Variants in OTOGL observed in about 807,000 individuals in gnomAD.
OTOGL encodes the protein otogelin like.
Under a neutral mutation model 318.5 loss-of-function variants are expected in OTOGL, and 285 were observed. The ratio of observed to expected loss-of-function variants is 0.89; its 90% CI spans 0.81 to 0.99. The LOEUF is 0.99. Among genes scored for constraint, OTOGL ranks in the 50% least tolerant of loss-of-function variants. The pLI is 0.00. For missense variants in OTOGL, 2,899 were observed against 2,845.6 expected (o/e 1.02, Z -0.43); for synonymous variants, 987 against 936.5 (o/e 1.05, Z -0.99).
chr12:80,287,401 T>C (rs112017096), intron 26 of OTOGL, among the ~76,000 whole-genome samples: 9,631 of 151,808 alleles, frequency 0.063, 526 homozygotes, highest in African/African-American at 0.099. Flanking sequence ...GTTCTGTAAG[T>C]GTCTATTAGG....
chr12:80,300,420 T>C (rs1389558070), intron 27 of OTOGL, among the ~76,000 whole-genome samples: 5 of 152,078 alleles, frequency 3.3e-5, no homozygotes, highest in African/African-American at 1.2e-4. Flanking sequence ...AGCAGGCATC[T>C]GAGAATCAAT....
chr12:80,360,444 C>T (rs1336605155), intron 52 of OTOGL, among the ~76,000 whole-genome samples: 1 of 127,792 alleles, frequency 7.8e-6, no homozygotes, highest in Non-Finnish European at 1.7e-5. Flanking sequence ...TCCCCCTCCC[C>T]CCCCTCGCTC....
intron 1 of OTOGL, among the ~76,000 whole-genome samples, chr12:80,104,503 G>A (rs1869335890): frequency 1.3e-5 from 2 of 152,148 alleles, no homozygotes; most frequent in Admixed American, 1.3e-4. Flanking sequence ...AACTCACTTA[G>A]CTAGCTAGTG....
At chr12:80,330,382 T>A (rs1717172308) in intron 37 of OTOGL, among the ~76,000 whole-genome samples, 1 of 152,204 alleles carries the variant, frequency 6.6e-6, no homozygotes, top group Non-Finnish European at 1.5e-5. Context: ...ACTATACTGT[T>A]GTGAAATTTT....
chr12:80,376,192 C>A (rs865925050), intron 57 of OTOGL, among the ~76,000 whole-genome samples: 1 of 152,002 alleles, frequency 6.6e-6, no homozygotes. Flanking sequence ...AGGACAGTAA[C>A]CCTTCAGTCA....
chr12:80,119,446 G>C (rs1870357052), intron 1 of OTOGL, among the ~76,000 whole-genome samples: 2 of 152,176 alleles, frequency 1.3e-5, no homozygotes, highest in Admixed American at 6.5e-5. Flanking sequence ...CAATGGCAGA[G>C]ATTGTCTATA....
intron 44 of OTOGL, among the ~76,000 whole-genome samples, chr12:80,350,300 A>G (rs1360701288): frequency 6.6e-6 from 1 of 152,122 alleles, no homozygotes; most frequent in Non-Finnish European, 1.5e-5. Context: ...TTCTTCATTC[A>G]TTCATTGGCA....
intron 52 of OTOGL, among the ~76,000 whole-genome samples, chr12:80,359,613 T>G (rs1316415013): frequency 6.6e-6 from 1 of 152,212 alleles, no homozygotes; most frequent in Admixed American, 6.5e-5. Context: ...TTATGAAGAA[T>G]GAATGAGGTA....
At chr12:80,125,152 C>T (rs184774406) in intron 1 of OTOGL, among the ~76,000 whole-genome samples, 1 of 152,330 alleles carries the variant, frequency 6.6e-6, no homozygotes, top group East Asian at 1.9e-4. Context: ...TCTGCCCATT[C>T]AGTATGATAT....
intron 1 of OTOGL, among the ~76,000 whole-genome samples, chr12:80,114,580 A>G (rs1870045609): frequency 6.6e-6 from 1 of 151,840 alleles, no homozygotes; most frequent in Non-Finnish European, 1.5e-5. Flanking sequence ...TGAATCTGAC[A>G]ATTATGTGTC....
At position 80,255,074 on chromosome 12, in the gene OTOGL, A is replaced by C. The variant is rs751489106; in HGVS notation, c.1476A>C (p.Thr492=). Residue 492 remains threonine (T), a synonymous_variant, in exon 16 of 59, where the codon ACA becomes ACC. Transcript: ENST00000547103. ...CAGTTGTAGGTGATTCTCACTTTAC[A>C]ACTTTTGATGGTCGACATTATTCTT... is the stretch of plus-strand genomic sequence containing the variant. ...QCSVVGDSHF[T]TFDGRHYSFI... is the part of the protein sequence containing the mutation. The C allele has an allele frequency of 8.6e-6, 13 of 1,516,444 alleles. No individual in the cohort carries two copies. Among genetic ancestry groups the C allele is most frequent in the Middle Eastern group, 3.4e-4 (2 of 5,822 alleles). The allele number at this position is 1,516,444 out of a possible 1,614,324, so 93.9% of individuals were successfully genotyped here.
At chr12:80,339,507 A>G (rs974934349) in intron 43 of OTOGL, among the ~76,000 whole-genome samples, 1 of 151,950 alleles carries the variant, frequency 6.6e-6, no homozygotes, top group Non-Finnish European at 1.5e-5. Context: ...TGCTGTTACT[A>G]CGATGCTGTT....
At chr12:80,330,209 G>A (rs1160661353) in intron 37 of OTOGL, among the ~76,000 whole-genome samples, 2 of 152,130 alleles carry the variant, frequency 1.3e-5, no homozygotes, top group African/African-American at 2.4e-5. Context: ...TTTTAAAAAG[G>A]CATTAATAGC....
chr12:80,117,890 G>A (rs556860824), intron 1 of OTOGL, among the ~76,000 whole-genome samples: 13 of 152,166 alleles, frequency 8.5e-5, no homozygotes, highest in Admixed American at 8.5e-4. Flanking sequence ...TTCTTCAAAA[G>A]CACATCTTAA....
chr12:80,254,916 C>A, intron 15 of OTOGL, 124 bp from the exon 16 acceptor site: 1 of 814,926 alleles, frequency 1.2e-6, no homozygotes, highest in Non-Finnish European at 1.7e-6. Context: ...AGTTTTGATG[C>A]ATGATTATTT....
chr12:80,261,854 G>A (rs141828461), intron 18 of OTOGL, 115 bp from the exon 19 acceptor site: 1 of 1,232,890 alleles, frequency 8.1e-7, no homozygotes, highest in African/African-American at 1.5e-5. Context: ...AAAATTTCAA[G>A]CTGTAAGATT....
At chr12:80,149,602 C>G (rs930250595) in intron 1 of OTOGL, among the ~76,000 whole-genome samples, 15 of 152,194 alleles carry the variant, frequency 9.9e-5, no homozygotes, top group South Asian at 2.1e-4. Flanking sequence ...CCACCCAGTT[C>G]GAGCTTCCTG....
chr12:80,311,905 T>C (rs1375643696), intron 30 of OTOGL, among the ~76,000 whole-genome samples: 2 of 152,188 alleles, frequency 1.3e-5, no homozygotes, highest in East Asian at 3.8e-4. Flanking sequence ...AAATGTGACT[T>C]GTAGCTATTG....
intron 1 of OTOGL, among the ~76,000 whole-genome samples, chr12:80,151,710 A>T (rs908015087): frequency 6.6e-6 from 1 of 152,172 alleles, no homozygotes; most frequent in Non-Finnish European, 1.5e-5. Context: ...AGAGGGAATG[A>T]TGGTGGTGAG....
Sources: gnomAD v4.1 joint callset for allele counts (sites outside exome capture counted in the v4.1 genomes callset) on GRCh38, gnomAD v4.1.1 for gene constraint, MANE v1.5 for transcripts, NCBI Gene and HGNC (gene_info 2026-07-23, HGNC 2026-07-21) for gene names.